The following FMN2 variants were observed in gnomAD, a reference collection of about 807,000 sequenced individuals.
FMN2 encodes formin 2, also known as formin-2.
Under a neutral mutation model 142.3 loss-of-function variants are expected in FMN2, and 51 were observed. The observed-to-expected ratio is 0.36, with a 90% CI of 0.29 to 0.45. The LOEUF (loss-of-function observed/expected upper bound fraction) is 0.45. FMN2 is among the 20% of genes least tolerant of loss of function. FMN2 has a pLI of 1.00. For missense variants in FMN2, 1,936 were observed against 2,122.8 expected (o/e 0.91, Z 1.73); for synonymous variants, 882 against 869.8 (o/e 1.01, Z -0.25).
intron 2 of FMN2, among the ~76,000 whole-genome samples, chr1:240,157,207 T>C (rs540928655): frequency 6.6e-6 from 1 of 152,344 alleles, no homozygotes; most frequent in Non-Finnish European, 1.5e-5. Flanking sequence ...TAGAGAGGCT[T>C]ATAACTTTAA....
At chr1:240,367,641 T>G (rs909502343) in intron 14 of FMN2, among the ~76,000 whole-genome samples, 9 of 151,406 alleles carry the variant, frequency 5.9e-5, no homozygotes, top group Non-Finnish European at 8.8e-5. Context: ...GGTGGTGGGC[T>G]CCTGTAGTCC....
At chr1:240,300,261 T>TATAG in intron 8 of FMN2, among the ~76,000 whole-genome samples, 1 of 152,312 alleles carries the variant, frequency 6.6e-6, no homozygotes, top group South Asian at 2.1e-4. Flanking sequence ...ATAATAGAAG[T>TATAG]TTCATATGAT....
At position 240,208,656 on chromosome 1, in the gene FMN2, A is replaced by G. The variant is rs1256540539; in HGVS notation, c.3844A>G (p.Ser1282Gly). Reference protein sequence around the residue: ...FGLGMNQDKGSRKQPIEPCRP... With the variant: ...FGLGMNQDKGGRKQPIEPCRP... ...ATTAGGGATGAATCAGGACAAAGGG[A>G]GTAGGAAGCAGCCCATAGAGCCTTG... The change falls in exon 5 of 18, where the codon AGT becomes GGT. Residue 1282 changes from serine (S) to glycine (G), a missense_variant. By Grantham distance (56) the Ser-to-Gly change is moderately conservative. This residue lies in a region of FMN2 where 259 missense variants were observed against 230.9 expected (regional missense o/e 1.12). Coordinates refer to ENST00000319653, the MANE Select transcript of FMN2 (RefSeq NM_020066.5). 1 of 1,613,720 alleles carries G rather than the reference A, an allele frequency of 6.2e-7. No homozygotes were observed. The highest frequency in any genetic ancestry group is 2.2e-5 in the East Asian group (1 of 44,814).
At chr1:240,138,509 G>A (rs1238129053) in intron 2 of FMN2, among the ~76,000 whole-genome samples, 3 of 151,962 alleles carry the variant, frequency 2.0e-5, no homozygotes, top group Non-Finnish European at 2.9e-5. Context: ...AGACCAGCCT[G>A]GCCAAATTGG....
chr1:240,208,576 C>A lies in FMN2; in HGVS notation c.3764C>A (p.Pro1255Gln). 6.2e-7 allele frequency: 1 copy of A among 1,613,654 alleles called. No homozygotes were observed. Among genetic ancestry groups the A allele is most frequent in the Non-Finnish European group, 8.5e-7 (1 of 1,179,978 alleles). ...LLPQVGSSTL[P>Q]TPQVCGFLPP... The stretch of plus-strand genomic sequence containing the variant: ...CCACAAGTTGGGAGTAGCACTTTAC[C>A]AACCCCACAGGTGTGTGGATTTCTT... Residue 1255 changes from proline (P) to glutamine (Q), a missense_variant, in exon 5 of 18, where the codon CCA becomes CAA. Pro to Gln is a moderately conservative substitution (Grantham distance 76, BLOSUM62 -1). Transcript: ENST00000319653.
rs1034182998 is a variant in FMN2 at position 240,223,862 on chromosome 1, G to C, written c.4065+12627G>C. ...TTATCATTTTTTATTGTGTCTATTT[G>C]TTTCTTATCTCTTTTCTTCTTTATT... On this transcript the variant is annotated intron_variant, in intron 6 of 17. Coordinates refer to ENST00000319653, the MANE Select transcript of FMN2 (RefSeq NM_020066.5). Among the ~76,000 whole-genome samples the C allele has an allele frequency of 1.4e-4, 21 of 151,372 alleles. 1 individual carries two copies. The highest frequency in any genetic ancestry group is 5.1e-4 in the African/African-American group (21 of 41,198).
chr1:240,217,303 CTGAA>C (rs1267477888), intron 6 of FMN2, among the ~76,000 whole-genome samples: 3 of 152,128 alleles, frequency 2.0e-5, no homozygotes, highest in African/African-American at 7.2e-5. Flanking sequence ...GAGTGACAGA[CTGAA>C]TGATAATTTG....
intron 16 of FMN2, among the ~76,000 whole-genome samples, chr1:240,462,820 G>T (rs186927684): frequency 3.3e-5 from 5 of 152,284 alleles, no homozygotes; most frequent in Admixed American, 3.3e-4. Context: ...AAAGAAGTAT[G>T]TGAAAGCTTA....
chr1:240,318,925 G>C (rs1483478357), intron 8 of FMN2, among the ~76,000 whole-genome samples: 1 of 152,188 alleles, frequency 6.6e-6, no homozygotes, highest in Non-Finnish European at 1.5e-5. Flanking sequence ...CAGTTTACTG[G>C]AATGAGGATC....
chr1:240,238,801 G>A (rs1284628762), intron 6 of FMN2, among the ~76,000 whole-genome samples: 3 of 152,136 alleles, frequency 2.0e-5, no homozygotes, highest in African/African-American at 4.8e-5. Flanking sequence ...ATCAATATTA[G>A]ATACACGGTG....
At chr1:240,149,032 T>C (rs2103268771) in intron 2 of FMN2, among the ~76,000 whole-genome samples, 1 of 152,232 alleles carries the variant, frequency 6.6e-6, no homozygotes, top group East Asian at 1.9e-4. Context: ...ATTCAATATA[T>C]ACTGTACTCA....
intron 3 of FMN2, among the ~76,000 whole-genome samples, chr1:240,181,185 G>A (rs913698277): frequency 2.0e-5 from 3 of 151,378 alleles, no homozygotes; most frequent in Non-Finnish European, 4.4e-5. Flanking sequence ...TTGTATTTTT[G>A]TAGAAACGGG....
chr1:240,148,161 C>T (rs183726021), intron 2 of FMN2, among the ~76,000 whole-genome samples: 39 of 151,894 alleles, frequency 2.6e-4, no homozygotes, highest in Admixed American at 1.6e-3. Context: ...CCAAGAGAGA[C>T]GGAGAGACAC....
intron 13 of FMN2, among the ~76,000 whole-genome samples, chr1:240,341,673 T>G (rs955661391): frequency 1.3e-5 from 2 of 152,208 alleles, no homozygotes; most frequent in African/African-American, 4.8e-5. Context: ...TCCCTTCTTC[T>G]GACCCCCAAA....
intron 13 of FMN2, among the ~76,000 whole-genome samples, chr1:240,352,593 A>C (rs1212744725): frequency 6.6e-6 from 1 of 152,068 alleles, no homozygotes; most frequent in Admixed American, 6.6e-5. Context: ...AAAAAATTTA[A>C]AAAAAACAAA....
chr1:240,344,585 A>G (rs1291866639), intron 13 of FMN2, among the ~76,000 whole-genome samples: 1 of 152,168 alleles, frequency 6.6e-6, no homozygotes, highest in African/African-American at 2.4e-5. Context: ...CATTACTTTC[A>G]GTGGTGATTT....
At chr1:240,454,524 G>A (rs565352796) in intron 16 of FMN2, among the ~76,000 whole-genome samples, 32 of 152,278 alleles carry the variant, frequency 2.1e-4, no homozygotes, top group African/African-American at 7.5e-4. Flanking sequence ...CCTCGGTGAT[G>A]GAGTGAGACT....
chr1:240,219,616 A>C lies in FMN2; in HGVS notation c.4065+8381A>C, dbSNP rs1225775069. Among the ~76,000 whole-genome samples the C allele has an allele frequency of 2.0e-5, 3 of 152,148 alleles. No homozygotes were observed. In the East Asian group the frequency reaches 5.8e-4, roughly 29 times the overall value. Reference sequence around the variant, plus strand: ...TGGAAAATAAACTGTTTCTTTTTTAAAGCCATAACCATTTGCAAAATGGAG... The same window carrying C: ...TGGAAAATAAACTGTTTCTTTTTTACAGCCATAACCATTTGCAAAATGGAG... On this transcript the variant is annotated intron_variant, in intron 6 of 17. Coordinates refer to ENST00000319653, the MANE Select transcript of FMN2 (RefSeq NM_020066.5).
intron 2 of FMN2, chr1:240,142,996 G>C: frequency 1.9e-6 from 3 of 1,549,802 alleles, no homozygotes; most frequent in Non-Finnish European, 2.7e-6. Flanking sequence ...AAAGAGAGAG[G>C]CACGGTGAGC....
Sources: allele counts gnomAD v4.1 joint callset (sites outside exome capture counted in the v4.1 genomes callset), GRCh38; gene constraint gnomAD v4.1.1; regional missense constraint gnomAD v4.1.1; transcripts MANE v1.5; gene names NCBI Gene and HGNC (gene_info 2026-07-23, HGNC 2026-07-21).